Variants in SLC39A8 observed in about 807,000 individuals in gnomAD.
The protein encoded by SLC39A8 is solute carrier family 39 member 8.
Under a neutral mutation model 40.4 loss-of-function variants are expected in SLC39A8, and 15 were observed. The observed-to-expected ratio is 0.37, with a 90% CI of 0.25 to 0.57. The LOEUF (loss-of-function observed/expected upper bound fraction) is 0.57. Among genes scored for constraint, SLC39A8 ranks in the 20% least tolerant of loss-of-function variants. The pLI is 0.75. For synonymous variants in SLC39A8, 223 were observed against 221.6 expected (o/e 1.01, Z -0.06); for missense variants, 472 against 558.8 (o/e 0.84, Z 1.57).
At chr4:102,336,246 A>C (rs531475139) in intron 2 of SLC39A8, among the ~76,000 whole-genome samples, 6 of 152,352 alleles carry the variant, frequency 3.9e-5, no homozygotes. Context: ...TCCTATGAGT[A>C]AGGCTCTTTT....
intron 6 of SLC39A8, among the ~76,000 whole-genome samples, chr4:102,275,322 G>T (rs1732569550): frequency 6.7e-6 from 1 of 149,476 alleles, no homozygotes. Flanking sequence ...AAAAAGCAGG[G>T]GTTGCAATCC....
intron 6 of SLC39A8, among the ~76,000 whole-genome samples, chr4:102,300,326 A>G (rs56727297): frequency 0.066 from 10,106 of 152,134 alleles, 1,009 homozygotes; most frequent in African/African-American, 0.22. Context: ...AAATAAAAAC[A>G]TATGTGTAAA....
intron 6 of SLC39A8, 44 bp from the exon 7 acceptor site, chr4:102,268,123 G>GTC: frequency 6.3e-7 from 1 of 1,599,586 alleles, no homozygotes; most frequent in South Asian, 1.1e-5. Flanking sequence ...TTTCTTGAAA[G>GTC]TCTCAGAAAT....
At chr4:102,276,702 C>A (rs1350017424) in intron 6 of SLC39A8, among the ~76,000 whole-genome samples, 1 of 152,114 alleles carries the variant, frequency 6.6e-6, no homozygotes, top group Admixed American at 6.5e-5. Flanking sequence ...AAATTTCAGC[C>A]TAATATCCCT....
At chr4:102,289,212 C>A (rs1733314512) in intron 6 of SLC39A8, among the ~76,000 whole-genome samples, 1 of 152,140 alleles carries the variant, frequency 6.6e-6, no homozygotes. Flanking sequence ...AATGAAACAA[C>A]ACAGCCTGGA....
intron 3 of SLC39A8, among the ~76,000 whole-genome samples, chr4:102,310,422 C>T (rs887054490): frequency 1.4e-4 from 21 of 152,106 alleles, no homozygotes; most frequent in African/African-American, 5.1e-4. Flanking sequence ...TTTATTCATC[C>T]TCAGTGCCTA....
chr4:102,287,469 AC>A (rs2149021196), intron 6 of SLC39A8, among the ~76,000 whole-genome samples: 1 of 152,252 alleles, frequency 6.6e-6, no homozygotes, highest in Admixed American at 6.5e-5. Flanking sequence ...CAAGATGGAT[AC>A]AAGCATGATT....
At chr4:102,322,951 T>C (rs1222728496) in intron 2 of SLC39A8, among the ~76,000 whole-genome samples, 8 of 152,222 alleles carry the variant, frequency 5.3e-5, no homozygotes, top group Admixed American at 5.2e-4. Flanking sequence ...TAGCTTCTTT[T>C]ATTTTAGTCA....
At chr4:102,315,355 A>C (rs1734608585) in intron 3 of SLC39A8, among the ~76,000 whole-genome samples, 1 of 152,192 alleles carries the variant, frequency 6.6e-6, no homozygotes, top group African/African-American at 2.4e-5. Flanking sequence ...ATGATCAATT[A>C]TAAGCCAAAG....
At chr4:102,304,659 A>T (rs1734073707) in intron 5 of SLC39A8, among the ~76,000 whole-genome samples, 178 bp from the exon 6 acceptor site, 1 of 151,930 alleles carries the variant, frequency 6.6e-6, no homozygotes, top group Admixed American at 6.6e-5. Flanking sequence ...TTCATTTATT[A>T]GATTCTGCTG....
At chr4:102,272,273 A>C (rs1394770681) in intron 6 of SLC39A8, among the ~76,000 whole-genome samples, 1 of 152,014 alleles carries the variant, frequency 6.6e-6, no homozygotes, top group Non-Finnish European at 1.5e-5. Flanking sequence ...CTCTACTAAA[A>C]ATACTAATAA....
chr4:102,306,569 T>G (rs1734180269), intron 4 of SLC39A8, among the ~76,000 whole-genome samples: 1 of 152,010 alleles, frequency 6.6e-6, no homozygotes, highest in Non-Finnish European at 1.5e-5. Context: ...TTCTAAAAAT[T>G]ACGAGATAAG....
chr4:102,283,674 T>C (rs756817302), intron 6 of SLC39A8, among the ~76,000 whole-genome samples: 5 of 152,242 alleles, frequency 3.3e-5, no homozygotes, highest in Non-Finnish European at 7.3e-5. Context: ...AAGACAGTTG[T>C]TTTCCTGACT....
At chr4:102,336,855 A>C (rs527960751) in intron 2 of SLC39A8, among the ~76,000 whole-genome samples, 4 of 152,238 alleles carry the variant, frequency 2.6e-5, no homozygotes, top group Non-Finnish European at 5.9e-5. Context: ...TTTGAGAATA[A>C]ATTAATTAGT....
chr4:102,301,564 G>A (rs1157322986), intron 6 of SLC39A8, among the ~76,000 whole-genome samples: 2 of 151,980 alleles, frequency 1.3e-5, no homozygotes, highest in East Asian at 3.9e-4. Context: ...ATTTGCTTCT[G>A]AATTTCCAGT....
intron 6 of SLC39A8, among the ~76,000 whole-genome samples, chr4:102,298,184 A>C (rs1733759469): frequency 6.6e-6 from 1 of 152,000 alleles, no homozygotes; most frequent in African/African-American, 2.4e-5. Flanking sequence ...TAAAAAAAAA[A>C]CTTTAGAACA....
chr4:102,311,750 T>C (rs1345200310), intron 3 of SLC39A8, among the ~76,000 whole-genome samples: 2 of 152,026 alleles, frequency 1.3e-5, no homozygotes, highest in African/African-American at 2.4e-5. Flanking sequence ...ATGTGAGGCC[T>C]CTGAGAAATT....
chr4:102,310,135 A>T (rs1734364478), intron 3 of SLC39A8, among the ~76,000 whole-genome samples: 1 of 151,936 alleles, frequency 6.6e-6, no homozygotes, highest in Non-Finnish European at 1.5e-5. Context: ...CCCAAACACT[A>T]TGTTTTCCCA....
At chr4:102,303,876 T>C (rs1391479800) in intron 6 of SLC39A8, among the ~76,000 whole-genome samples, 1 of 151,846 alleles carries the variant, frequency 6.6e-6, no homozygotes, top group Non-Finnish European at 1.5e-5. Flanking sequence ...TTAGAAGATG[T>C]GGATATAAAT....
Sources: allele counts gnomAD v4.1 joint callset (sites outside exome capture counted in the v4.1 genomes callset), GRCh38; gene constraint gnomAD v4.1.1; transcripts MANE v1.5; gene names NCBI Gene and HGNC (gene_info 2026-07-23, HGNC 2026-07-21).